The following ANKHD1 variants were observed in gnomAD, a reference collection of about 807,000 sequenced individuals.
ANKHD1 encodes ankyrin repeat and KH domain containing 1.
A neutral mutation model predicts 230.5 loss-of-function variants in ANKHD1; 31 were observed. The observed-to-expected ratio is 0.13, with a 90% confidence interval of 0.10 to 0.18. ANKHD1 has a LOEUF of 0.18. Among genes scored for constraint, ANKHD1 ranks in the 10% least tolerant of loss-of-function variants. The probability of loss-of-function intolerance (pLI) is 1.00; values close to 1 mark genes in which losing one functional copy is unlikely to be tolerated. For synonymous variants in ANKHD1, 1,074 were observed against 1,117.6 expected (o/e 0.96, Z 0.78); for missense variants, 2,256 against 3,071.3 (o/e 0.73, Z 6.27).
rs1753600151 is a variant in ANKHD1 at position 140,526,183 on chromosome 5, T to C, written c.4680T>C (p.Ile1560=). 1 of 1,613,500 alleles carries C rather than the reference T, an allele frequency of 6.2e-7. No individual in the cohort carries two copies. Among genetic ancestry groups the C allele is most frequent in the Non-Finnish European group, 8.5e-7 (1 of 1,179,942 alleles). The change falls in exon 26 of 34, where the codon ATT becomes ATC. Residue 1560 remains isoleucine (I), a synonymous_variant. Transcript: ENST00000360839. ...TKETPPTAHL[I]LPEQHMSLAQ... ...AAACCCCTCCTACAGCACATTTAAT[T>C]TTACCAGAACAACATATGTCTTTAG...
In ANKHD1 at chr5:140,458,997, CATATAT is replaced by C. The variant is rs529452262; in HGVS notation, c.1481-140_1481-135del. On this transcript the variant is annotated intron_variant, in intron 8 of 33. Coordinates refer to ENST00000360839, the MANE Select transcript of ANKHD1 (RefSeq NM_017747.3). ...ATATATATGCATATATATATATATG[CATATAT>C]ATATATATATATATATATATATATA... The C allele has an allele frequency of 1.4e-3, 43 of 31,760 alleles. 1 individual carries two copies. Among genetic ancestry groups the C allele is most frequent in the South Asian group, 3.6e-3 (2 of 560 alleles). 2.0% of individuals were successfully genotyped at this position (31,760 alleles called of 1,614,324 possible).
chr5:140,476,149 ATGAG>A (rs929090624), intron 10 of ANKHD1, among the ~76,000 whole-genome samples: 4 of 152,106 alleles, frequency 2.6e-5, no homozygotes, highest in African/African-American at 4.8e-5. Context: ...GCATTAGTGA[ATGAG>A]TGATAAAACA....
intron 1 of ANKHD1, among the ~76,000 whole-genome samples, chr5:140,405,973 C>G (rs1342749664): frequency 6.6e-6 from 1 of 151,962 alleles, no homozygotes; most frequent in Non-Finnish European, 1.5e-5. Flanking sequence ...GGCATGGTGG[C>G]TCACGCCTGT....
intron 29 of ANKHD1, among the ~76,000 whole-genome samples, chr5:140,533,097 CAA>C (rs113564152): frequency 1.0e-4 from 13 of 125,402 alleles, no homozygotes; most frequent in Admixed American, 4.0e-4. Context: ...ACTCTGTCTC[CAA>C]AAAAAAAAAA....
intron 1 of ANKHD1, among the ~76,000 whole-genome samples, chr5:140,404,249 A>C (rs991998554): frequency 2.0e-5 from 3 of 152,180 alleles, no homozygotes; most frequent in African/African-American, 4.8e-5. Flanking sequence ...TGTGGGGGAT[A>C]TCCTTAGACT....
At chr5:140,464,424 TTAGGG>T (rs1775943213) in intron 9 of ANKHD1, among the ~76,000 whole-genome samples, 1 of 152,180 alleles carries the variant, frequency 6.6e-6, no homozygotes, top group African/African-American at 2.4e-5. Context: ...CTTTTATTCC[TTAGGG>T]TATATCTTAC....
In ANKHD1 at chr5:140,529,148, A is replaced by T; in HGVS notation, c.6202A>T (p.Ser2068Cys). 6 of 1,614,186 alleles carry T rather than the reference A, an allele frequency of 3.7e-6. No individual in the cohort carries two copies. The highest frequency in any genetic ancestry group is 5.1e-6 in the Non-Finnish European group (6 of 1,180,034). Reference sequence around the variant, plus strand: ...GGGAGCTCCAGAAACTCACCCATCCAGTAGTCCCACTCCTACTTCCAGTAA... The same window carrying T: ...GGGAGCTCCAGAAACTCACCCATCCTGTAGTCCCACTCCTACTTCCAGTAA... ...TPGAPETHPS[S>C]SPTPTSSNTQ... Residue 2068 changes from serine to cysteine, a missense_variant, in exon 29 of 34, where the codon AGT (serine) becomes TGT (cysteine). By Grantham distance (112) the Ser-to-Cys change is moderately radical. This residue lies in a region of ANKHD1 where 778 missense variants were observed against 966.5 expected (regional missense o/e 0.80). Transcript: ENST00000360839.
At chr5:140,459,976 G>A (rs1269668622) in intron 9 of ANKHD1, among the ~76,000 whole-genome samples, 2 of 152,050 alleles carry the variant, frequency 1.3e-5, no homozygotes, top group African/African-American at 2.4e-5. Flanking sequence ...GTGACCATAA[G>A]GTATCTCGTT....
At chr5:140,524,012 T>G (rs1753486780) in intron 24 of ANKHD1, 54 bp from the exon 25 acceptor site, 1 of 1,512,534 alleles carries the variant, frequency 6.6e-7, no homozygotes, top group East Asian at 2.5e-5. Flanking sequence ...CATTTCATTC[T>G]TTATTTTACA....
intron 2 of ANKHD1, among the ~76,000 whole-genome samples, chr5:140,437,135 A>G (rs990297210): frequency 4.6e-5 from 7 of 152,036 alleles, no homozygotes; most frequent in South Asian, 2.1e-4. Context: ...ACAAAATACA[A>G]TTTTTTTCCC....
chr5:140,435,723 T>TG (rs1174379581), intron 1 of ANKHD1, among the ~76,000 whole-genome samples: 1 of 151,892 alleles, frequency 6.6e-6, no homozygotes. Context: ...TTAATAGATA[T>TG]GGGGTTTCAC....
At chr5:140,405,962 G>A (rs1225754602) in intron 1 of ANKHD1, among the ~76,000 whole-genome samples, 2 of 151,798 alleles carry the variant, frequency 1.3e-5, no homozygotes, top group South Asian at 4.2e-4. Context: ...TATAACCACC[G>A]GGCATGGTGG....
chr5:140,447,673 A>G (rs1774398794), intron 6 of ANKHD1, among the ~76,000 whole-genome samples: 3 of 152,346 alleles, frequency 2.0e-5, no homozygotes, highest in South Asian at 2.1e-4. Flanking sequence ...TTCCATTGTC[A>G]TCAAGAGCTC....
chr5:140,447,800 G>A (rs967150283), intron 6 of ANKHD1, among the ~76,000 whole-genome samples: 1 of 152,164 alleles, frequency 6.6e-6, no homozygotes, highest in South Asian at 2.1e-4. Flanking sequence ...TAGGAAAGAC[G>A]TTAAGGGCAA....
Position 140,539,371 on chromosome 5 carries a change from A to C in ANKHD1, c.7582A>C (p.Thr2528Pro). Residue 2528 changes from threonine (T) to proline (P), a missense_variant, in exon 34 of 34, where the codon ACG (threonine) becomes CCG (proline). Thr to Pro is a conservative substitution (Grantham distance 38, BLOSUM62 -1). Transcript: ENST00000360839. ...CTDAQQIWPG[T>P]WAPHIGNMHL... ...TCCCCCTTTTCAGATTTGGCCTGGC[A>C]CGTGGGCACCTCATATTGGAAACAT... The C allele has an allele frequency of 6.2e-7, 1 of 1,614,018 alleles. No individual in the cohort carries two copies. The highest frequency in any genetic ancestry group is 2.2e-5 in the East Asian group (1 of 44,876).
In ANKHD1 at chr5:140,527,780, C is replaced by A; in HGVS notation, c.5088-93C>A. 7.5e-7 allele frequency: 1 copy of A among 1,333,598 alleles called. No homozygotes were observed. The highest frequency in any genetic ancestry group is 1.5e-5 in the African/African-American group (1 of 66,372). The allele number at this position is 1,333,598 out of a possible 1,614,324, so 82.6% of individuals were successfully genotyped here. A position where few individuals can be genotyped will look rare whatever the true frequency, so the allele number is the denominator to read the frequency against. On this transcript the variant is annotated intron_variant, in intron 27 of 33. Coordinates refer to ENST00000360839, the MANE Select transcript of ANKHD1 (RefSeq NM_017747.3). The surrounding 1 kb of genome is among the most constrained non-coding windows in gnomAD (Gnocchi z 4.5). ...TCTTTAGCATTTAAGAAATGTTATT[C>A]TCCAAAATGTCCATGAACATACTTA... is the stretch of plus-strand genomic sequence containing the variant.
At chr5:140,463,158 T>A (rs919645432) in intron 9 of ANKHD1, among the ~76,000 whole-genome samples, 6 of 152,152 alleles carry the variant, frequency 3.9e-5, no homozygotes, top group African/African-American at 1.4e-4. Flanking sequence ...CCTGTTTTTT[T>A]GTTTTTTATT....
At position 140,506,446 on chromosome 5, in the gene ANKHD1, C is replaced by T. The variant is rs943779893; in HGVS notation, c.3409-389C>T. On this transcript the variant is annotated intron_variant, in intron 18 of 33. Coordinates refer to ENST00000360839, the MANE Select transcript of ANKHD1 (RefSeq NM_017747.3). The surrounding 1 kb of genome is among the most constrained non-coding windows in gnomAD (Gnocchi z 4.7). ...AAAGTGCTGGGATTATAGGCATGAG[C>T]CACCATGCCTGGCCATAAATCCCCT... Among the ~76,000 whole-genome samples, 9 of 152,206 alleles carry T rather than the reference C, an allele frequency of 5.9e-5. No individual in the cohort carries two copies. Among genetic ancestry groups the T allele is most frequent in the African/African-American group, 1.4e-4 (6 of 41,456 alleles).
At chr5:140,443,007 G>C (rs998708476) in intron 5 of ANKHD1, among the ~76,000 whole-genome samples, 6 of 151,596 alleles carry the variant, frequency 4.0e-5, no homozygotes, top group Non-Finnish European at 1.5e-5. Flanking sequence ...CCAGGTTCAC[G>C]CCATTCTCCT....
Sources: allele counts gnomAD v4.1 joint callset (sites outside exome capture counted in the v4.1 genomes callset), GRCh38; gene constraint gnomAD v4.1.1; regional missense constraint gnomAD v4.1.1; non-coding constraint Gnocchi (gnomAD v3.1); transcripts MANE v1.5; gene names NCBI Gene and HGNC (gene_info 2026-07-23, HGNC 2026-07-21).